The following TSNARE1 variants were observed in gnomAD, a reference collection of about 807,000 sequenced individuals.
TSNARE1 encodes the protein t-SNARE domain-containing protein 1.
TSNARE1 carries 49 observed loss-of-function variants against 62.0 expected under a neutral mutation model. That is an observed-to-expected ratio of 0.79 (90% CI 0.63 to 1.00). TSNARE1 has a LOEUF of 1.00. TSNARE1 is among the 50% of genes least tolerant of loss of function. The probability of loss-of-function intolerance (pLI) is 0.00; values close to 1 mark genes in which losing one functional copy is unlikely to be tolerated. For synonymous variants in TSNARE1, 328 were observed against 294.4 expected, an observed-to-expected ratio of 1.11 and a Z score of -1.17; for missense variants, 755 against 700.1, an observed-to-expected ratio of 1.08 and a Z score of -0.88.
intron 11 of TSNARE1, chr8:142,277,167 C>A (rs1305728062): frequency 8.1e-6 from 8 of 985,244 alleles, no homozygotes; most frequent in Non-Finnish European, 9.6e-6. Context: ...GCCACAGGCC[C>A]TGGGCACCTG....
intron 1 of TSNARE1, among the ~76,000 whole-genome samples, chr8:142,374,377 A>C (rs1236438927): frequency 2.6e-5 from 4 of 151,920 alleles, no homozygotes; most frequent in Non-Finnish European, 5.9e-5. Flanking sequence ...CAGGCAAATC[A>C]CTTTAGAAGT....
chr8:142,354,691 G>A lies in TSNARE1; in HGVS notation c.34C>T (p.Leu12=). 1 of 1,613,510 alleles carries A rather than the reference G, an allele frequency of 6.2e-7. No homozygotes were observed. The highest frequency in any genetic ancestry group is 8.5e-7 in the Non-Finnish European group (1 of 1,179,820). The change falls in exon 2 of 14, where the codon CTG becomes TTG. Residue 12 remains leucine, a synonymous_variant. Coordinates refer to ENST00000524325, the MANE Select transcript of TSNARE1 (RefSeq NM_145003.5). ...CCCCCGAAAGGGCCACGGCTCCCCA[G>A]GCCACCTCCACGGGCGATGGATCCG... ...SYGSIARGGG[L]GSRGPFGGPS...
intron 12 of TSNARE1, chr8:142,269,454 A>G (rs938226456): frequency 1.4e-5 from 14 of 985,476 alleles, no homozygotes; most frequent in Non-Finnish European, 1.7e-5. Context: ...ACACACAGCC[A>G]TACGAGGCCA....
chr8:142,229,787 A>C (rs1817016928), intron 12 of TSNARE1, among the ~76,000 whole-genome samples: 1 of 152,124 alleles, frequency 6.6e-6, no homozygotes, highest in Non-Finnish European at 1.5e-5. Context: ...CTGGCTCTGG[A>C]GCCAGGTTCA....
rs757593705 is a variant in TSNARE1, at chr8:142,294,524, G to A, written c.1290+5962C>T. On this transcript the variant is annotated intron_variant, in intron 10 of 13. Coordinates refer to ENST00000524325, the MANE Select transcript of TSNARE1 (RefSeq NM_145003.5). Reference sequence around the variant, plus strand: ...GCCTGGGCTCCTGGCGGCAGCTGGCGGCCCTGCTGTGTGGCCGTGGGCACC... The same window carrying A: ...GCCTGGGCTCCTGGCGGCAGCTGGCAGCCCTGCTGTGTGGCCGTGGGCACC... Among the ~76,000 whole-genome samples, 66 of 152,288 alleles carry A rather than the reference G, an allele frequency of 4.3e-4. No individual in the cohort carries two copies. The Middle Eastern group carries it at 0.01, about 24-fold the overall frequency.
intron 10 of TSNARE1, among the ~76,000 whole-genome samples, chr8:142,297,415 A>T (rs2131242343): frequency 6.6e-6 from 1 of 152,270 alleles, no homozygotes; most frequent in South Asian, 2.1e-4. Flanking sequence ...GTGTGTTCAC[A>T]CCCCACTAGC....
chr8:142,318,899 A>G (rs1488348388), intron 6 of TSNARE1, among the ~76,000 whole-genome samples: 1 of 151,978 alleles, frequency 6.6e-6, no homozygotes. Flanking sequence ...AGCAGCGATG[A>G]TTCCCACAGA....
intron 13 of TSNARE1, among the ~76,000 whole-genome samples, chr8:142,223,073 C>T (rs1816515662): frequency 1.1e-4 from 1 of 9,258 alleles, no homozygotes; most frequent in African/African-American, 2.7e-4. Context: ...CTTACTCGCT[C>T]ATACTCATTC....
chr8:142,290,884 C>T (rs1823629893), intron 10 of TSNARE1, among the ~76,000 whole-genome samples: 1 of 152,174 alleles, frequency 6.6e-6, no homozygotes, highest in Non-Finnish European at 1.5e-5. Context: ...TCAGGTGATG[C>T]CCACTCAGGA....
intron 3 of TSNARE1, among the ~76,000 whole-genome samples, chr8:142,345,386 G>C (rs553316400): frequency 6.6e-6 from 1 of 152,192 alleles, no homozygotes; most frequent in Non-Finnish European, 1.5e-5. Flanking sequence ...CCAAACCACA[G>C]CAAGCACTCT....
In TSNARE1 at chr8:142,349,250, T is replaced by A. The variant is rs559100544; in HGVS notation, c.89-3358A>T. 4.6e-5 allele frequency among the ~76,000 whole-genome samples: 7 copies of A among 152,322 alleles called. No individual in the cohort carries two copies. The South Asian group carries it at 1.4e-3, about 32-fold the overall frequency. The stretch of plus-strand genomic sequence containing the variant: ...AAAAGTACATCTGAAAATGATGAAG[T>A]AAACTTCCAAGTAATTCCTAAACAA... On this transcript the variant is annotated intron_variant, in intron 2 of 13. Transcript: ENST00000524325.
chr8:142,293,252 G>A (rs1036337331), intron 10 of TSNARE1, among the ~76,000 whole-genome samples: 3 of 152,380 alleles, frequency 2.0e-5, no homozygotes, highest in Non-Finnish European at 4.4e-5. Flanking sequence ...GCAAAGCCCA[G>A]GGTTCACCTG....
chr8:142,317,139 T>C lies in TSNARE1; in HGVS notation c.984+1405A>G, dbSNP rs1209644048. 2.7e-5 allele frequency among the ~76,000 whole-genome samples: 4 copies of C among 150,426 alleles called. 1 individual carries two copies. The highest frequency in any genetic ancestry group is 4.4e-5 in the Non-Finnish European group (3 of 67,766). On this transcript the variant is annotated intron_variant, in intron 7 of 13. Coordinates refer to ENST00000524325, the MANE Select transcript of TSNARE1 (RefSeq NM_145003.5). Reference sequence around the variant, plus strand: ...TGGGTACGACCAGTGGCTCACACTGTACGCATGAAGCGGGTATGGCCAGCG... The same window carrying C: ...TGGGTACGACCAGTGGCTCACACTGCACGCATGAAGCGGGTATGGCCAGCG...
At chr8:142,266,888 C>A (rs536791495) in intron 12 of TSNARE1, among the ~76,000 whole-genome samples, 22 of 152,294 alleles carry the variant, frequency 1.4e-4, no homozygotes, top group African/African-American at 5.1e-4. Flanking sequence ...CCTCTCTTTG[C>A]AACATTATTT....
intron 10 of TSNARE1, among the ~76,000 whole-genome samples, chr8:142,296,523 G>C (rs899491886): frequency 1.3e-5 from 2 of 151,952 alleles, no homozygotes; most frequent in African/African-American, 2.4e-5. Context: ...TGACACGTCG[G>C]TTCCACAAGT....
intron 12 of TSNARE1, among the ~76,000 whole-genome samples, chr8:142,235,213 G>A (rs919873765): frequency 6.6e-6 from 1 of 151,870 alleles, no homozygotes; most frequent in African/African-American, 2.4e-5. Flanking sequence ...AGGCCCCAGA[G>A]AAGGACGTGA....
At chr8:142,314,281 C>T (rs923597264) in intron 9 of TSNARE1, 103 bp downstream of exon 9, 3 of 1,124,668 alleles carry the variant, frequency 2.7e-6, no homozygotes, top group Middle Eastern at 2.8e-4. Flanking sequence ...TCAGATGACA[C>T]CCCTGCCCTT....
At chr8:142,217,303 A>AAAAGAAAGAAAGAAAGAAAGAAAAAG (rs1815895840) in intron 13 of TSNARE1, among the ~76,000 whole-genome samples, 1 of 126,646 alleles carries the variant, frequency 7.9e-6, no homozygotes, top group Non-Finnish European at 1.6e-5. Context: ...GAAAGAAAGA[A>AAAAGAAAGAAAGAAAGAAAGAAAAAG]AAAGAAAGAA....
chr8:142,272,291 C>G (rs576068674), intron 12 of TSNARE1, among the ~76,000 whole-genome samples: 7 of 149,848 alleles, frequency 4.7e-5, no homozygotes, highest in Admixed American at 4.6e-4. Context: ...TAGCCACCCG[C>G]CCATCTACAC....
Sources: allele counts gnomAD v4.1 joint callset (sites outside exome capture counted in the v4.1 genomes callset), GRCh38; gene constraint gnomAD v4.1.1; transcripts MANE v1.5; gene names NCBI Gene and HGNC (gene_info 2026-07-23, HGNC 2026-07-21).